The following ATXN3 variants were observed in gnomAD, a reference collection of about 807,000 sequenced individuals.
The protein encoded by ATXN3 is ataxin-3.
Under a neutral mutation model 58.2 loss-of-function variants are expected in ATXN3, and 28 were observed. That is an observed-to-expected ratio of 0.48 (90% confidence interval 0.36 to 0.66). The LOEUF (loss-of-function observed/expected upper bound fraction) is 0.66. Among genes scored for constraint, ATXN3 ranks in the 30% least tolerant of loss-of-function variants. The pLI is 0.00. For synonymous variants in ATXN3, 113 were observed against 138.5 expected (o/e 0.82, Z 1.29); for missense variants, 321 against 422.1 (o/e 0.76, Z 2.10).
At chr14:92,054,034 A>C (rs544289865), downstream of ATXN3, among the ~76,000 whole-genome samples, 3 of 151,962 alleles carry the variant, frequency 2.0e-5, no homozygotes, top group South Asian at 6.2e-4. Context: ...TCCCAGATCC[A>C]AGTGATTCTC....
At chr14:92,099,766 C>T (rs2066305301) in intron 1 of ATXN3, among the ~76,000 whole-genome samples, 1 of 152,000 alleles carries the variant, frequency 6.6e-6, no homozygotes, top group Non-Finnish European at 1.5e-5. Flanking sequence ...TCTTGGGAGG[C>T]TGAGAAAGGA....
At chr14:92,048,432 G>T (rs2057436637) in intron 1 of ATXN3, among the ~76,000 whole-genome samples, 1 of 152,202 alleles carries the variant, frequency 6.6e-6, no homozygotes, top group South Asian at 2.1e-4. Context: ...GAGTGGGTTG[G>T]GTAATAAAAT....
chr14:92,071,544 C>T, intron 9 of ATXN3: 1 of 325,708 alleles, frequency 3.1e-6, no homozygotes, highest in Non-Finnish European at 6.0e-6. Context: ...TTGCAGTGAG[C>T]CAAGATCGCG....
intron 5 of ATXN3, among the ~76,000 whole-genome samples, 167 bp downstream of exon 5, chr14:92,093,085 A>G (rs932677706): frequency 2.7e-5 from 4 of 149,348 alleles, no homozygotes; most frequent in African/African-American, 9.9e-5. Flanking sequence ...TTTAAGAGAC[A>G]GGACCTCCCT....
chr14:92,072,694 T>TAA lies in ATXN3; in HGVS notation c.873-1643_873-1642dup, dbSNP rs33967699. Among the ~76,000 whole-genome samples, 36 of 90,972 alleles carry TAA rather than the reference T, an allele frequency of 4.0e-4. 1 individual carries two copies. Among genetic ancestry groups the TAA allele is most frequent in the African/African-American group, 5.3e-4 (12 of 22,718 alleles). 59.7% of individuals were successfully genotyped at this position (90,972 alleles called of 152,430 possible). The stretch of plus-strand genomic sequence containing the variant: ...ACAATCTCAGTGAGAAGCTATAGGT[T>TAA]AAAAAAAAAAAAAAAAAAAAAAAAG... On this transcript the variant is annotated intron_variant, in intron 9 of 10. Transcript: ENST00000644486.
rs903938859 is a variant in ATXN3 at position 92,106,351 on chromosome 14, G to A, written c.24+178C>T. On this transcript the variant is annotated intron_variant, in intron 1 of 10. Transcript: ENST00000644486. ...CGGGGGCCGCGGGGGAAGTAGGGGC[G>A]TAGGTGATGCTCCCCTCCTCGAGCC... 1.7e-4 allele frequency among the ~76,000 whole-genome samples: 26 copies of A among 152,012 alleles called. No individual in the cohort carries two copies. In the East Asian group the frequency reaches 4.5e-3, roughly 26 times the overall value.
downstream of ATXN3, among the ~76,000 whole-genome samples, chr14:92,056,302 C>T (rs957639010): frequency 4.6e-5 from 7 of 152,134 alleles, no homozygotes; most frequent in East Asian, 3.9e-4. Flanking sequence ...TTGACATTTT[C>T]GGGCTTGGTA....
chr14:92,053,907 A>C (rs1199688128), downstream of ATXN3, among the ~76,000 whole-genome samples: 1 of 152,020 alleles, frequency 6.6e-6, no homozygotes, highest in Non-Finnish European at 1.5e-5. Context: ...CCATTATGTC[A>C]GAGGCCTGTA....
At chr14:92,099,070 G>C (rs2066089849) in intron 1 of ATXN3, among the ~76,000 whole-genome samples, 1 of 152,182 alleles carries the variant, frequency 6.6e-6, no homozygotes. Flanking sequence ...TGTGAACACA[G>C]ACACCAGGTT....
At chr14:92,054,577 A>G (rs2057458929), downstream of ATXN3, among the ~76,000 whole-genome samples, 1 of 152,226 alleles carries the variant, frequency 6.6e-6, no homozygotes, top group South Asian at 2.1e-4. Context: ...TCATCAAGAA[A>G]TAACCATAAA....
In ATXN3 at chr14:92,063,555, G is replaced by T. The variant is rs989427695; in HGVS notation, c.*765C>A. On this transcript the variant is annotated 3_prime_UTR_variant, in exon 11 of 11. Coordinates refer to ENST00000644486, the MANE Select transcript of ATXN3 (RefSeq NM_004993.6). ...ATATAAGTGAAAAGACATTCATAAA[G>T]CATCTGGGAAAGCACATGCTCACAC... The T allele has an allele frequency of 2.0e-5, 3 of 152,180 alleles. No homozygotes were observed. The highest frequency in any genetic ancestry group is 4.4e-5 in the Non-Finnish European group (3 of 68,018). 9.4% of individuals were successfully genotyped at this position (152,180 alleles called of 1,614,324 possible).
Position 92,060,957 on chromosome 14 carries a change from C to T in ATXN3, c.*3363G>A, listed in dbSNP as rs1471356755. On this transcript the variant is annotated 3_prime_UTR_variant, in exon 11 of 11. Coordinates refer to ENST00000644486, the MANE Select transcript of ATXN3 (RefSeq NM_004993.6). ...CCATTTTGGCCAAGCTGGTCTCGAA[C>T]TCCCGACCTCGTGATCCACCCACTT... 2 of 152,116 alleles carry T rather than the reference C, an allele frequency of 1.3e-5. No homozygotes were observed. The highest frequency in any genetic ancestry group is 4.8e-5 in the African/African-American group (2 of 41,422). 9.4% of individuals were successfully genotyped at this position (152,116 alleles called of 1,614,324 possible).
rs140908230 is a variant in ATXN3 at position 92,097,179 on chromosome 14, G to A, written c.25-341C>T. On this transcript the variant is annotated intron_variant, in intron 1 of 10. Transcript: ENST00000644486. ...CCGCCTTGGCCTCCCAAAGTGCTGGGATTACAGGCGTGAGCCACTGCGCCC... is the reference window on the plus strand; with the variant it reads ...CCGCCTTGGCCTCCCAAAGTGCTGGAATTACAGGCGTGAGCCACTGCGCCC... Among the ~76,000 whole-genome samples, 34 of 151,676 alleles carry A rather than the reference G, an allele frequency of 2.2e-4. No homozygotes were observed. The East Asian group carries it at 6.6e-3, about 30-fold the overall frequency.
chr14:92,094,435 CTATA>C (rs1174851581), intron 3 of ATXN3, among the ~76,000 whole-genome samples: 2 of 152,264 alleles, frequency 1.3e-5, no homozygotes, highest in East Asian at 3.9e-4. Flanking sequence ...AACTAGTCTA[CTATA>C]TACATCTGAT....
chr14:92,092,454 C>T (rs753369935), intron 5 of ATXN3, among the ~76,000 whole-genome samples: 1 of 152,158 alleles, frequency 6.6e-6, no homozygotes, highest in Non-Finnish European at 1.5e-5. Flanking sequence ...TTTCTGTAGA[C>T]GTACGTATTA....
intron 6 of ATXN3, among the ~76,000 whole-genome samples, chr14:92,084,209 G>A (rs186345225): frequency 6.6e-6 from 1 of 152,188 alleles, no homozygotes; most frequent in Admixed American, 6.5e-5. Flanking sequence ...TACCTTATTA[G>A]TTCTGTCCCT....
intron 10 of ATXN3, 139 bp from the exon 11 acceptor site, chr14:92,064,553 C>T (rs2058033939): frequency 4.8e-6 from 3 of 630,456 alleles, no homozygotes; most frequent in Non-Finnish European, 5.6e-6. Context: ...GCAAAATTTA[C>T]TTTTATAGTT....
intron 9 of ATXN3, among the ~76,000 whole-genome samples, chr14:92,074,098 G>A (rs918118499): frequency 2.0e-5 from 3 of 150,914 alleles, no homozygotes; most frequent in African/African-American, 4.9e-5. Flanking sequence ...AGGCTGAGGC[G>A]GGCAGATCAC....
chr14:92,071,003 A>C lies in ATXN3; in HGVS notation c.923T>G (p.Leu308Arg). 2.3e-6 allele frequency: 1 copy of C among 434,522 alleles called. No individual in the cohort carries two copies. The highest frequency in any genetic ancestry group is 3.2e-6 in the Non-Finnish European group (1 of 316,716). The allele number at this position is 434,522 out of a possible 1,614,324, so 26.9% of individuals were successfully genotyped here. A position where few individuals can be genotyped will look rare whatever the true frequency, so the allele number is the denominator to read the frequency against. ...ACATGGATGTGAACTCTGTCCTGAT[A>C]GGTCCCCCTGCTGCTGCTGCTGCTG... is the stretch of plus-strand genomic sequence containing the variant. ...QQQQQQQQGD[L>R]SGQSSHPCER... is the part of the protein sequence containing the mutation. Residue 308 changes from leucine (L) to arginine (R), a missense_variant, in exon 10 of 11, where the codon CTA becomes CGA. Around this residue, in one of 2 missense-constraint regions of ATXN3, gnomAD observed 200 missense variants for 223.2 expected, o/e 0.90. Coordinates refer to ENST00000644486, the MANE Select transcript of ATXN3 (RefSeq NM_004993.6).
Sources: gnomAD v4.1 joint callset for allele counts (sites outside exome capture counted in the v4.1 genomes callset) on GRCh38, gnomAD v4.1.1 for gene constraint, gnomAD v4.1.1 regional missense constraint, MANE v1.5 for transcripts, NCBI Gene and HGNC (gene_info 2026-07-23, HGNC 2026-07-21) for gene names.